The following NSUN3 variants were observed in gnomAD, a reference collection of about 807,000 sequenced individuals.
NSUN3 encodes the protein NOP2/Sun RNA methyltransferase 3.
A neutral mutation model predicts 36.8 loss-of-function variants in NSUN3; 24 were observed. The ratio of observed to expected loss-of-function variants is 0.65; its 90% confidence interval spans 0.47 to 0.92. The LOEUF (loss-of-function observed/expected upper bound fraction) is 0.92, where lower values mean the gene tolerates loss of function less well. Among genes scored for constraint, NSUN3 ranks in the 40% least tolerant of loss-of-function variants. The pLI is 0.00. For missense variants in NSUN3, 381 were observed against 392.8 expected, an observed-to-expected ratio of 0.97 and a Z score of 0.25; for synonymous variants, 146 against 145.2, an observed-to-expected ratio of 1.01 and a Z score of -0.04.
rs776797706 is a variant in NSUN3 at position 94,126,493 on chromosome 3, T to G, written c.*3T>G. The G allele has an allele frequency of 6.2e-7, 1 of 1,603,014 alleles. No homozygotes were observed. The highest frequency in any genetic ancestry group is 1.7e-5 in the Admixed American group (1 of 59,504). ...CATGGAGCACAGGAAAATGGTGACA[T>G]GAATTTGTAAACTGTGTTTATGTGT... On this transcript the variant is annotated 3_prime_UTR_variant, in exon 6 of 6. Coordinates refer to ENST00000314622, the MANE Select transcript of NSUN3 (RefSeq NM_022072.5).
intron 5 of NSUN3, among the ~76,000 whole-genome samples, chr3:94,098,376 A>G (rs143078796): frequency 1.3e-5 from 2 of 152,226 alleles, no homozygotes; most frequent in East Asian, 3.9e-4. Flanking sequence ...TTGATTCTCC[A>G]CAGTGAAGCC....
chr3:94,092,918 TC>T (rs2077321565), intron 3 of NSUN3, among the ~76,000 whole-genome samples: 1 of 12,994 alleles, frequency 7.7e-5, no homozygotes. Context: ...AGACTGCATC[TC>T]AAAAAAAAAA....
intron 5 of NSUN3, among the ~76,000 whole-genome samples, chr3:94,096,652 C>G (rs2077341812): frequency 6.6e-6 from 1 of 152,150 alleles, no homozygotes; most frequent in Non-Finnish European, 1.5e-5. Context: ...GTGCCCACAA[C>G]CATGCCTGGC....
Position 94,126,610 on chromosome 3 carries a change from T to C in NSUN3, c.*120T>C. ...GGGTCTGTTTGGAATCCTATTTAGT[T>C]AATACTTTAGCATCTTAGAATCTAG... is the stretch of plus-strand genomic sequence containing the variant. On this transcript the variant is annotated 3_prime_UTR_variant, in exon 6 of 6. Transcript: ENST00000314622. The C allele has an allele frequency of 1.2e-6, 1 of 867,862 alleles. No homozygotes were observed. Among genetic ancestry groups the C allele is most frequent in the Non-Finnish European group, 1.7e-6 (1 of 573,882 alleles). 53.8% of individuals were successfully genotyped at this position (867,862 alleles called of 1,614,324 possible).
rs77146620 is a variant in NSUN3, at chr3:94,111,259, G to A, written c.744-14952G>A. On this transcript the variant is annotated intron_variant, in intron 5 of 5. Transcript: ENST00000314622. ...AAGGAGCTTGCCATGAAGGGAGCTTGCAGGACTGGAAGTTGCTCTGGGTGA... is the reference window on the plus strand; with the variant it reads ...AAGGAGCTTGCCATGAAGGGAGCTTACAGGACTGGAAGTTGCTCTGGGTGA... Among the ~76,000 whole-genome samples the A allele has an allele frequency of 1.3e-4, 20 of 152,300 alleles. No homozygotes were observed. In the East Asian group the frequency reaches 3.9e-3, roughly 29 times the overall value.
chr3:94,088,560 G>A (rs1373724875), intron 3 of NSUN3, among the ~76,000 whole-genome samples: 1 of 151,528 alleles, frequency 6.6e-6, no homozygotes, highest in African/African-American at 2.4e-5. Context: ...CTGAACTCAA[G>A]TTTTCATTGT....
rs189749668 is a variant in NSUN3 at position 94,079,016 on chromosome 3, A to G, written c.123-5091A>G. Among the ~76,000 whole-genome samples, 35 of 152,310 alleles carry G rather than the reference A, an allele frequency of 2.3e-4. 1 individual carries two copies. The highest frequency in any genetic ancestry group is 2.2e-3 in the Admixed American group (34 of 15,294). ...GTCCGTTAGTTGATGCAGTTTCTTC[A>G]TAGTGTCGATGGTCTTTACAATTTG... On this transcript the variant is annotated intron_variant, in intron 2 of 5. Transcript: ENST00000314622.
rs1576105861 is a variant in NSUN3, at chr3:94,126,988, G to A, written c.*498G>A. 1.3e-5 allele frequency: 2 copies of A among 152,470 alleles called. No individual in the cohort carries two copies. The highest frequency in any genetic ancestry group is 6.5e-5 in the Admixed American group (1 of 15,314). The allele number at this position is 152,470 out of a possible 1,614,324, so 9.4% of individuals were successfully genotyped here. On this transcript the variant is annotated 3_prime_UTR_variant, in exon 6 of 6. Transcript: ENST00000314622. ...AACTTTTTAAGCAGCACTATTTCTA[G>A]TTCTGGCAAAATAGTTTTTTTATTT...
intron 2 of NSUN3, among the ~76,000 whole-genome samples, chr3:94,070,667 C>A (rs891217303): frequency 6.6e-6 from 1 of 152,194 alleles, no homozygotes; most frequent in Non-Finnish European, 1.5e-5. Flanking sequence ...TCCCAACCTG[C>A]CTTTCTCCAA....
intron 2 of NSUN3, among the ~76,000 whole-genome samples, chr3:94,071,698 A>G (rs9843295): frequency 0.21 from 31,736 of 152,090 alleles, 3,468 homozygotes; most frequent in Middle Eastern, 0.28. Flanking sequence ...TCTGCTGGCT[A>G]CTGAGGTACT....
intron 5 of NSUN3, among the ~76,000 whole-genome samples, chr3:94,116,563 A>G (rs1398791135): frequency 2.6e-5 from 4 of 152,166 alleles, no homozygotes; most frequent in East Asian, 1.9e-4. Flanking sequence ...TAACATTTAA[A>G]TGATTTACTT....
Position 94,095,097 on chromosome 3 carries a change from C to T in NSUN3, c.686C>T (p.Ala229Val). 1 of 1,612,650 alleles carries T rather than the reference C, an allele frequency of 6.2e-7. No individual in the cohort carries two copies. Among genetic ancestry groups the T allele is most frequent in the Non-Finnish European group, 8.5e-7 (1 of 1,178,668 alleles). ...TTGTTTTCTTCTGACTCTCAGAAGG[C>T]ATCCTGTAGGATAAGTCAAAGGAGG... is the stretch of plus-strand genomic sequence containing the variant. ...SWLFSSDSQKASCRISQRRNL... is the reference protein window; with the variant it reads ...SWLFSSDSQKVSCRISQRRNL... Residue 229 changes from alanine to valine, a missense_variant, in exon 5 of 6, where the codon GCA (alanine) becomes GTA (valine). Coordinates refer to ENST00000314622, the MANE Select transcript of NSUN3 (RefSeq NM_022072.5).
At chr3:94,112,461 C>T (rs1243104221) in intron 5 of NSUN3, among the ~76,000 whole-genome samples, 1 of 152,100 alleles carries the variant, frequency 6.6e-6, no homozygotes, top group Admixed American at 6.6e-5. Flanking sequence ...GAAAGAGACT[C>T]AAAATAATAG....
At chr3:94,069,826 A>G (rs2077218335) in intron 2 of NSUN3, among the ~76,000 whole-genome samples, 1 of 152,212 alleles carries the variant, frequency 6.6e-6, no homozygotes, top group Admixed American at 6.5e-5. Context: ...CCAAGGAGAA[A>G]AATAAGTCAA....
At chr3:94,088,670 CTTTTTTT>C (rs747748539) in intron 3 of NSUN3, among the ~76,000 whole-genome samples, 331 of 132,456 alleles carry the variant, frequency 2.5e-3, no homozygotes, top group Middle Eastern at 7.6e-3. Flanking sequence ...GGGACAGATC[CTTTTTTT>C]TTTTTTTTTT....
chr3:94,093,280 A>G (rs193093267), intron 3 of NSUN3, among the ~76,000 whole-genome samples: 19 of 151,842 alleles, frequency 1.3e-4, no homozygotes, highest in African/African-American at 4.3e-4. Context: ...CCCTGTGGAG[A>G]CACTGAAAGC....
rs80100955 is a variant in NSUN3, at chr3:94,086,502, C to T, written c.466+2052C>T. Among the ~76,000 whole-genome samples the T allele has an allele frequency of 7.2e-3, 1,101 of 152,240 alleles. 5 individuals are homozygous for T. Among genetic ancestry groups the T allele is most frequent in the Non-Finnish European group, 0.012 (821 of 67,998 alleles). The stretch of plus-strand genomic sequence containing the variant: ...CCCTTAGAACATTGGTGTGTATCCC[C>T]AAGGCATGTATGTTCCAGTTTGAAG... On this transcript the variant is annotated intron_variant, in intron 3 of 5. Transcript: ENST00000314622.
chr3:94,066,105 T>A (rs2077203446), intron 2 of NSUN3, among the ~76,000 whole-genome samples: 1 of 151,460 alleles, frequency 6.6e-6, no homozygotes. Flanking sequence ...GTAGACTTTG[T>A]AGCAGTCTGG....
At chr3:94,105,108 A>C (rs1194134891) in intron 5 of NSUN3, among the ~76,000 whole-genome samples, 1 of 152,204 alleles carries the variant, frequency 6.6e-6, no homozygotes, top group Non-Finnish European at 1.5e-5. Context: ...AAGATTTCTA[A>C]AGAGTGACCA....
Sources: gnomAD v4.1 joint callset for allele counts (sites outside exome capture counted in the v4.1 genomes callset) on GRCh38, gnomAD v4.1.1 for gene constraint, MANE v1.5 for transcripts, NCBI Gene and HGNC (gene_info 2026-07-23, HGNC 2026-07-21) for gene names.